SAXO1: variants seen among roughly 807,000 people sequenced by gnomAD.
The protein encoded by SAXO1 is 4930500O09Rik.
In SAXO1, 21 loss-of-function variants were observed where a neutral mutation model predicts 17.5. The observed-to-expected ratio is 1.20, with a 90% CI of 0.85 to 1.72. The LOEUF (loss-of-function observed/expected upper bound fraction) is 1.72. SAXO1 is among the 40% of genes most tolerant of loss of function. The pLI, the probability that SAXO1 is intolerant of heterozygous loss-of-function variation, is 0.00. For missense variants in SAXO1, 843 were observed against 596.0 expected (o/e 1.41, Z -4.32); for synonymous variants, 274 against 216.5 (o/e 1.27, Z -2.33).
chr9:19,027,760 G>C (rs967982208), intron 1 of SAXO1: 2 of 1,499,696 alleles, frequency 1.3e-6, no homozygotes, highest in Non-Finnish European at 1.8e-6. Flanking sequence ...TGCAGAGGAC[G>C]ATGCTGGAGC....
upstream of SAXO1, among the ~76,000 whole-genome samples, chr9:19,034,912 T>C (rs1156985196): frequency 6.6e-6 from 1 of 152,212 alleles, no homozygotes; most frequent in African/African-American, 2.4e-5. Flanking sequence ...TCATGCCCCC[T>C]GCCATTCAAA....
intron 2 of SAXO1, among the ~76,000 whole-genome samples, chr9:18,944,145 A>C (rs2131708635): frequency 6.6e-6 from 1 of 151,926 alleles, no homozygotes; most frequent in South Asian, 2.1e-4. Context: ...TTCCTTTGTA[A>C]GTGTTCCTCT....
chr9:19,014,809 T>G (rs1333251575), intron 1 of SAXO1, among the ~76,000 whole-genome samples: 1 of 152,126 alleles, frequency 6.6e-6, no homozygotes, highest in Non-Finnish European at 1.5e-5. Context: ...CCATAGAGGC[T>G]CTACATGAAA....
At chr9:18,999,332 C>A (rs1834147234) in intron 1 of SAXO1, among the ~76,000 whole-genome samples, 1 of 151,850 alleles carries the variant, frequency 6.6e-6, no homozygotes, top group Non-Finnish European at 1.5e-5. Flanking sequence ...TGCCTGGCCA[C>A]TGCCCCGGCT....
chr9:18,982,620 G>C (rs1833437990), intron 1 of SAXO1, among the ~76,000 whole-genome samples: 1 of 152,202 alleles, frequency 6.6e-6, no homozygotes, highest in Non-Finnish European at 1.5e-5. Context: ...AGTTGGGAGG[G>C]AGAGCAATAA....
chr9:19,023,462 C>T (rs1269260785), intron 1 of SAXO1, among the ~76,000 whole-genome samples: 3 of 152,078 alleles, frequency 2.0e-5, no homozygotes, highest in Non-Finnish European at 4.4e-5. Context: ...CTGATGAGAA[C>T]GCTGAGGTAC....
intron 1 of SAXO1, among the ~76,000 whole-genome samples, chr9:19,013,983 T>C (rs866656833): frequency 6.6e-6 from 1 of 152,192 alleles, no homozygotes; most frequent in African/African-American, 2.4e-5. Flanking sequence ...AAATACAGGT[T>C]GTCAGTATAG....
At chr9:18,960,851 G>A (rs1223282493) in intron 1 of SAXO1, among the ~76,000 whole-genome samples, 1 of 152,100 alleles carries the variant, frequency 6.6e-6, no homozygotes, top group Non-Finnish European at 1.5e-5. Context: ...TGAATTTCTA[G>A]AACAGAAAAA....
At chr9:18,963,794 G>A (rs949905471) in intron 1 of SAXO1, among the ~76,000 whole-genome samples, 1 of 152,092 alleles carries the variant, frequency 6.6e-6, no homozygotes, top group Non-Finnish European at 1.5e-5. Flanking sequence ...TCTTTCTCTT[G>A]CCTGATTGCC....
chr9:18,934,451 C>T (rs765646256), intron 3 of SAXO1, among the ~76,000 whole-genome samples: 76 of 152,174 alleles, frequency 5.0e-4, no homozygotes, highest in Admixed American at 1.6e-3. Context: ...GCTGTTGAGC[C>T]CCTCTAACGA....
At chr9:18,996,323 C>T (rs569042473) in intron 1 of SAXO1, among the ~76,000 whole-genome samples, 1 of 152,166 alleles carries the variant, frequency 6.6e-6, no homozygotes, top group Non-Finnish European at 1.5e-5. Context: ...AGAAATGCAT[C>T]ATTAGGCAAT....
rs746776211 is a variant in SAXO1 at position 18,928,257 on chromosome 9, G to A, written c.1220C>T (p.Thr407Ile). 1 of 1,613,430 alleles carries A rather than the reference G, an allele frequency of 6.2e-7. No individual in the cohort carries two copies. The highest frequency in any genetic ancestry group is 1.1e-5 in the South Asian group (1 of 91,056). The change falls in exon 4 of 4, where the codon ACC (threonine) becomes ATC (isoleucine). Residue 407 changes from threonine to isoleucine, a missense_variant. Transcript: ENST00000380534. Reference protein sequence around the residue: ...RGNVPVESQTTYTISFTPKEM... With the variant: ...RGNVPVESQTIYTISFTPKEM... ...CTTGGGAGTAAAGCTGATGGTGTAG[G>A]TGGTCTGGCTTTCCACAGGGACATT...
intron 1 of SAXO1, among the ~76,000 whole-genome samples, chr9:19,048,462 A>G (rs1405741531): frequency 8.3e-6 from 1 of 120,254 alleles, no homozygotes; most frequent in African/African-American, 2.9e-5. Context: ...GTCTCAAAAG[A>G]AAAAAAAAGG....
rs116967104 is a variant in SAXO1, at chr9:19,032,932, G to T, written c.-24C>A. The T allele has an allele frequency of 2.5e-6, 4 of 1,603,740 alleles. No individual in the cohort carries two copies. The highest frequency in any genetic ancestry group is 1.3e-5 in the African/African-American group (1 of 74,796). On this transcript the variant is annotated 5_prime_UTR_variant, in exon 1 of 4. Coordinates refer to ENST00000380534, the MANE Select transcript of SAXO1 (RefSeq NM_153707.4). The stretch of plus-strand genomic sequence containing the variant: ...ATAGGGGCGATCCTGAGGCCCTGAC[G>T]TCCCCTCAGAGCATCGCCAGCTGCA...
At chr9:18,946,607 G>T (rs1030375770) in intron 2 of SAXO1, among the ~76,000 whole-genome samples, 2 of 151,454 alleles carry the variant, frequency 1.3e-5, no homozygotes, top group Non-Finnish European at 2.9e-5. Context: ...CATTCTCACT[G>T]TACAAAAATC....
intron 2 of SAXO1, among the ~76,000 whole-genome samples, chr9:18,947,268 A>C (rs1831838347): frequency 6.6e-6 from 1 of 152,212 alleles, no homozygotes; most frequent in Admixed American, 6.5e-5. Context: ...TGCAAGACTC[A>C]AGCCTGCTAC....
chr9:19,047,366 A>C (rs1017929869), intron 1 of SAXO1, among the ~76,000 whole-genome samples: 1 of 152,108 alleles, frequency 6.6e-6, no homozygotes, highest in Non-Finnish European at 1.5e-5. Flanking sequence ...TCTGTCTCCA[A>C]AAAAAAGAAA....
intron 1 of SAXO1, among the ~76,000 whole-genome samples, chr9:18,965,806 T>C (rs1832693123): frequency 6.6e-6 from 1 of 152,350 alleles, no homozygotes; most frequent in Non-Finnish European, 1.5e-5. Flanking sequence ...GCTGGTTATT[T>C]TGCACATTAG....
At chr9:19,033,556 C>T (rs1835855627), upstream of SAXO1, among the ~76,000 whole-genome samples, 1 of 152,238 alleles carries the variant, frequency 6.6e-6, no homozygotes, top group Non-Finnish European at 1.5e-5. Flanking sequence ...TTGCCTTGAA[C>T]AGGGTTTCCA....
Sources: gnomAD v4.1 joint callset for allele counts (sites outside exome capture counted in the v4.1 genomes callset) on GRCh38, gnomAD v4.1.1 for gene constraint, MANE v1.5 for transcripts, NCBI Gene and HGNC (gene_info 2026-07-23, HGNC 2026-07-21) for gene names.